Variants in SOS1 observed in about 807,000 individuals in gnomAD.
The protein encoded by SOS1 is SOS Ras/Rac guanine nucleotide exchange factor 1.
A neutral mutation model predicts 157.6 loss-of-function variants in SOS1; 25 were observed. That is an observed-to-expected ratio of 0.16 (90% confidence interval 0.12 to 0.22). SOS1 has a LOEUF of 0.22. Ranked by LOEUF, SOS1 falls within the 10% of genes least tolerant of loss-of-function variation. The probability of loss-of-function intolerance (pLI) is 1.00; values close to 1 mark genes in which losing one functional copy is unlikely to be tolerated. For missense variants in SOS1, 1,237 were observed against 1,599.1 expected (o/e 0.77, Z 3.86); for synonymous variants, 528 against 534.0 (o/e 0.99, Z 0.16).
In SOS1 at chr2:39,051,207, T is replaced by C. The variant is rs781478759; in HGVS notation, c.801A>G (p.Val267=). The change falls in exon 6 of 23, where the codon GTA becomes GTG. Residue 267 remains valine (V), a synonymous_variant. Transcript: ENST00000402219. ...GGGGACTGCCTTCATCTGTCATTTC[T>C]ACTGTATCTTCTATATGGCCCAGTA... ...VKLLGHIEDT[V]EMTDEGSPHP... 6.2e-7 allele frequency: 1 copy of C among 1,613,330 alleles called. No individual in the cohort carries two copies. Among genetic ancestry groups the C allele is most frequent in the Non-Finnish European group, 8.5e-7 (1 of 1,179,404 alleles).
Position 39,067,680 on chromosome 2 carries a change from T to A in SOS1, c.161A>T (p.Gln54Leu). ...ALQYVEELIL[Q>L]LLNMLCQAQP... is the part of the protein sequence containing the mutation. ...AGCTTGGCATAGCATATTTAATAATTGCAAAATTAATTCTTCAACATACTG... is the reference window on the plus strand; with the variant it reads ...AGCTTGGCATAGCATATTTAATAATAGCAAAATTAATTCTTCAACATACTG... Residue 54 changes from glutamine to leucine, a missense_variant, in exon 2 of 23, where the codon CAA becomes CTA. Coordinates refer to ENST00000402219, the MANE Select transcript of SOS1 (RefSeq NM_005633.4). The A allele has an allele frequency of 6.2e-7, 1 of 1,613,084 alleles. No individual in the cohort carries two copies. The highest frequency in any genetic ancestry group is 2.2e-5 in the East Asian group (1 of 44,858).
intron 8 of SOS1, among the ~76,000 whole-genome samples, chr2:39,030,781 G>C (rs527967071): frequency 6.6e-6 from 1 of 152,264 alleles, no homozygotes; most frequent in East Asian, 1.9e-4. Context: ...ATAGGATCTT[G>C]GCAGATGTAA....
chr2:39,057,954 G>A (rs1446701637), intron 3 of SOS1, among the ~76,000 whole-genome samples: 2 of 151,952 alleles, frequency 1.3e-5, no homozygotes, highest in Non-Finnish European at 2.9e-5. Context: ...TTCTGCCTCT[G>A]TCACCTCATT....
chr2:39,088,720 T>A (rs965104987), intron 1 of SOS1, among the ~76,000 whole-genome samples: 2 of 152,230 alleles, frequency 1.3e-5, no homozygotes, highest in African/African-American at 4.8e-5. Context: ...TATCTATTCA[T>A]CTGGTAACTG....
intron 1 of SOS1, among the ~76,000 whole-genome samples, chr2:39,077,525 C>T (rs748002578): frequency 6.6e-6 from 1 of 151,926 alleles, no homozygotes. Context: ...TTTAGAAGAG[C>T]CAAGAACAAC....
intron 1 of SOS1, among the ~76,000 whole-genome samples, chr2:39,076,546 G>A (rs1672005745): frequency 6.6e-6 from 1 of 152,076 alleles, no homozygotes; most frequent in Non-Finnish European, 1.5e-5. Flanking sequence ...GATAAAAGGA[G>A]AAAAATGACA....
chr2:39,108,052 T>C (rs1350991253), intron 1 of SOS1, among the ~76,000 whole-genome samples: 1 of 152,148 alleles, frequency 6.6e-6, no homozygotes. Context: ...CGTGATCCTC[T>C]CCCAATATTC....
At chr2:39,064,871 C>T (rs1231558647) in intron 2 of SOS1, among the ~76,000 whole-genome samples, 1 of 148,980 alleles carries the variant, frequency 6.7e-6, no homozygotes, top group Non-Finnish European at 1.5e-5. Context: ...GCCTCAGCTC[C>T]CAAGGAGTTG....
At chr2:39,028,803 T>C (rs1328618178) in intron 8 of SOS1, among the ~76,000 whole-genome samples, 1 of 152,216 alleles carries the variant, frequency 6.6e-6, no homozygotes, top group Non-Finnish European at 1.5e-5. Context: ...ATTTTAAATA[T>C]TATATACATA....
chr2:39,025,834 A>G (rs950174322), intron 8 of SOS1, among the ~76,000 whole-genome samples: 12 of 152,238 alleles, frequency 7.9e-5, no homozygotes, highest in Admixed American at 2.6e-4. Flanking sequence ...TGACCTGTGA[A>G]AAGTAAACAG....
intron 1 of SOS1, among the ~76,000 whole-genome samples, chr2:39,078,815 A>G (rs1672105731): frequency 6.6e-6 from 1 of 152,164 alleles, no homozygotes; most frequent in African/African-American, 2.4e-5. Context: ...TAATCCCAGC[A>G]CTTTGGGAGG....
chr2:39,118,879 T>C (rs945540400), intron 1 of SOS1, among the ~76,000 whole-genome samples: 1 of 152,244 alleles, frequency 6.6e-6, no homozygotes, highest in African/African-American at 2.4e-5. Context: ...GTCTGTCAAC[T>C]CCTACAATAT....
chr2:39,090,996 G>GTAAA (rs1672573409), intron 1 of SOS1, among the ~76,000 whole-genome samples: 2 of 152,074 alleles, frequency 1.3e-5, no homozygotes, highest in African/African-American at 4.8e-5. Context: ...AGCCTCCCGA[G>GTAAA]TAAATGGGAC....
At chr2:38,996,175 C>A (rs1000532940) in intron 19 of SOS1, among the ~76,000 whole-genome samples, 1 of 152,052 alleles carries the variant, frequency 6.6e-6, no homozygotes, top group Admixed American at 6.6e-5. Flanking sequence ...CTGTAACCTC[C>A]GCCTCCCGGG....
At chr2:39,094,569 CG>C (rs1672704812) in intron 1 of SOS1, among the ~76,000 whole-genome samples, 1 of 152,008 alleles carries the variant, frequency 6.6e-6, no homozygotes, top group African/African-American at 2.4e-5. Context: ...TGCTTGAACC[CG>C]GGAGGCTGGG....
intron 1 of SOS1, among the ~76,000 whole-genome samples, chr2:39,086,343 C>G (rs890609684): frequency 1.3e-5 from 2 of 152,006 alleles, no homozygotes; most frequent in Non-Finnish European, 2.9e-5. Flanking sequence ...AGATCACTGG[C>G]CAGATACAGG....
intron 6 of SOS1, among the ~76,000 whole-genome samples, chr2:39,036,407 G>A (rs1265026414): frequency 6.6e-6 from 1 of 152,004 alleles, no homozygotes; most frequent in Non-Finnish European, 1.5e-5. Flanking sequence ...CTAGAGTGCC[G>A]TAGTGCAATC....
In SOS1 at chr2:39,010,658, T is replaced by G. The variant is rs773960091; in HGVS notation, c.2436A>C (p.Glu812Asp). 2.5e-6 allele frequency: 4 copies of G among 1,608,480 alleles called. No homozygotes were observed. The highest frequency in any genetic ancestry group is 1.3e-5 in the African/African-American group (1 of 74,966). ...SELVGSVWTK[E>D]DKEINSPNLL... ...GATTAGGAGAGTTAATTTCTTTGTC[T>G]TCTTTTGTCCACACACTTCCAACTA... The change falls in exon 15 of 23, where the codon GAA becomes GAC. Residue 812 changes from glutamate (E) to aspartate (D), a missense_variant. Physicochemically the swap from Glu to Asp is conservative, Grantham distance 45. This residue lies in a region of SOS1 where 105 missense variants were observed against 236.0 expected (regional missense o/e 0.44). Coordinates refer to ENST00000402219, the MANE Select transcript of SOS1 (RefSeq NM_005633.4).
chr2:39,113,452 C>T (rs963532724), intron 1 of SOS1, among the ~76,000 whole-genome samples: 13 of 150,464 alleles, frequency 8.6e-5, no homozygotes, highest in Non-Finnish European at 1.6e-4. Flanking sequence ...AAAGTGTTGG[C>T]GTCAATAGCA....
Sources: allele counts gnomAD v4.1 joint callset (sites outside exome capture counted in the v4.1 genomes callset), GRCh38; gene constraint gnomAD v4.1.1; regional missense constraint gnomAD v4.1.1; transcripts MANE v1.5; gene names NCBI Gene and HGNC (gene_info 2026-07-23, HGNC 2026-07-21).